Variants in MYO1D observed in about 807,000 individuals in gnomAD.
MYO1D encodes unconventional myosin-Id.
A neutral mutation model predicts 122.0 loss-of-function variants in MYO1D; 83 were observed. That is an observed-to-expected ratio of 0.68 (90% CI 0.57 to 0.82). The LOEUF (loss-of-function observed/expected upper bound fraction) is 0.82, where lower values mean the gene tolerates loss of function less well. MYO1D is among the 40% of genes least tolerant of loss of function. The probability of loss-of-function intolerance (pLI) is 0.00; values close to 1 mark genes in which losing one functional copy is unlikely to be tolerated. For synonymous variants in MYO1D, 464 were observed against 446.9 expected (o/e 1.04, Z -0.48); for missense variants, 1,157 against 1,269.5 (o/e 0.91, Z 1.35).
intron 13 of MYO1D, among the ~76,000 whole-genome samples, chr17:32,741,094 G>T (rs2089767088): frequency 6.6e-6 from 1 of 151,896 alleles, no homozygotes; most frequent in Admixed American, 6.6e-5. Flanking sequence ...TGGGTGTAGT[G>T]GTGCATGCCT....
At chr17:32,626,473 C>A (rs2087929464) in intron 20 of MYO1D, among the ~76,000 whole-genome samples, 1 of 152,112 alleles carries the variant, frequency 6.6e-6, no homozygotes, top group East Asian at 1.9e-4. Context: ...GTTAAATTGG[C>A]CCTAGTGGTT....
At position 32,646,473 on chromosome 17, in the gene MYO1D, G is replaced by A. The variant is rs946693768; in HGVS notation, c.2595+7370C>T. Among the ~76,000 whole-genome samples the A allele has an allele frequency of 3.3e-5, 5 of 151,660 alleles. 1 individual carries two copies. The highest frequency in any genetic ancestry group is 4.1e-4 in the South Asian group (2 of 4,820). On this transcript the variant is annotated intron_variant, in intron 19 of 21. Transcript: ENST00000318217. Reference sequence around the variant, plus strand: ...AAAATATATATATATATAAAAGAAAGGAAACAATAATAAGTAAAAGTCATG... The same window carrying A: ...AAAATATATATATATATAAAAGAAAAGAAACAATAATAAGTAAAAGTCATG...
At chr17:32,806,029 T>C (rs889449301) in intron 1 of MYO1D, among the ~76,000 whole-genome samples, 4 of 152,104 alleles carry the variant, frequency 2.6e-5, no homozygotes, top group Non-Finnish European at 5.9e-5. Flanking sequence ...GAGGCCAAGG[T>C]GGGCGGATCA....
chr17:32,503,352 T>G (rs1046985514), intron 21 of MYO1D, among the ~76,000 whole-genome samples: 1 of 152,198 alleles, frequency 6.6e-6, no homozygotes, highest in African/African-American at 2.4e-5. Flanking sequence ...TAGGAGACTG[T>G]CATTCGCCGA....
chr17:32,527,389 G>A (rs1389115669), intron 21 of MYO1D, among the ~76,000 whole-genome samples: 1 of 152,200 alleles, frequency 6.6e-6, no homozygotes, highest in East Asian at 1.9e-4. Context: ...GGCACTGCCA[G>A]GCCCTGTGGA....
At chr17:32,523,095 G>A (rs137869697) in intron 21 of MYO1D, among the ~76,000 whole-genome samples, 142 of 152,332 alleles carry the variant, frequency 9.3e-4, no homozygotes, top group East Asian at 7.3e-3. Context: ...GATTACAGGC[G>A]TGAGCAACCA....
chr17:32,862,607 G>A (rs934222247), intron 1 of MYO1D, among the ~76,000 whole-genome samples: 4 of 152,184 alleles, frequency 2.6e-5, no homozygotes, highest in African/African-American at 4.8e-5. Flanking sequence ...ATAATCTGAG[G>A]ACAGAAAAAT....
chr17:32,846,070 C>T (rs1352278279), intron 1 of MYO1D, among the ~76,000 whole-genome samples: 1 of 152,108 alleles, frequency 6.6e-6, no homozygotes, highest in Admixed American at 6.5e-5. Context: ...CTACTTAGCA[C>T]CTATTCCCTC....
chr17:32,822,074 CAT>C (rs1316480547), intron 1 of MYO1D, among the ~76,000 whole-genome samples: 1 of 152,158 alleles, frequency 6.6e-6, no homozygotes, highest in Non-Finnish European at 1.5e-5. Context: ...CACATGCACA[CAT>C]ATGTTTATTG....
intron 21 of MYO1D, among the ~76,000 whole-genome samples, chr17:32,545,560 T>A (rs1388756773): frequency 6.6e-6 from 1 of 152,214 alleles, no homozygotes; most frequent in Non-Finnish European, 1.5e-5. Flanking sequence ...ACCGCTGTCT[T>A]ACTTCTGTCC....
chr17:32,738,250 T>G lies in MYO1D; in HGVS notation c.1746+3A>C. On this transcript the variant is annotated splice_donor_region_variant and intron_variant, in intron 14 of 21. Transcript: ENST00000318217. ...ATGGATATTTAGAAAAGAAAATAAT[T>G]ACCTTTGATGCAAGGTTGTCTACTA... 6.3e-7 allele frequency: 1 copy of G among 1,584,606 alleles called. No homozygotes were observed. The highest frequency in any genetic ancestry group is 8.6e-7 in the Non-Finnish European group (1 of 1,167,036).
chr17:32,622,973 A>G (rs2087872390), intron 20 of MYO1D, among the ~76,000 whole-genome samples: 1 of 152,098 alleles, frequency 6.6e-6, no homozygotes, highest in Non-Finnish European at 1.5e-5. Flanking sequence ...TTTGTCCTTT[A>G]CCATTTATGG....
chr17:32,786,600 A>C (rs1421714083), intron 1 of MYO1D, among the ~76,000 whole-genome samples: 2 of 152,212 alleles, frequency 1.3e-5, no homozygotes, highest in East Asian at 3.8e-4. Flanking sequence ...TGAGTGGATC[A>C]CCTGAGGTCA....
intron 21 of MYO1D, among the ~76,000 whole-genome samples, chr17:32,541,626 T>C (rs1227527878): frequency 6.6e-6 from 1 of 152,206 alleles, no homozygotes; most frequent in Non-Finnish European, 1.5e-5. Context: ...AGAAAGTATC[T>C]AGAATCAGAG....
intron 1 of MYO1D, among the ~76,000 whole-genome samples, chr17:32,853,550 C>T (rs1279831755): frequency 6.6e-6 from 1 of 152,226 alleles, no homozygotes; most frequent in East Asian, 1.9e-4. Context: ...ATCCATATCT[C>T]CATCACAGCA....
intron 21 of MYO1D, among the ~76,000 whole-genome samples, chr17:32,588,610 T>C (rs769093158): frequency 2.0e-5 from 3 of 152,204 alleles, no homozygotes; most frequent in Non-Finnish European, 4.4e-5. Context: ...GAACTGGTAT[T>C]GGGCAAACTG....
chr17:32,673,244 C>T (rs2088750339), intron 16 of MYO1D, among the ~76,000 whole-genome samples: 1 of 151,332 alleles, frequency 6.6e-6, no homozygotes. Flanking sequence ...ATTGGGATTA[C>T]AAGCACGTGC....
Position 32,810,479 on chromosome 17 carries a change from C to CT in MYO1D, c.96-29696dup, listed in dbSNP as rs112741399. On this transcript the variant is annotated intron_variant, in intron 1 of 21. Coordinates refer to ENST00000318217, the MANE Select transcript of MYO1D (RefSeq NM_015194.3). ...GGGAACCATAAGGTTAAGTCCGTAA[C>CT]TTTTTTTTTTTTTTTTGAGACAGAG... 5.4e-3 allele frequency among the ~76,000 whole-genome samples: 760 copies of CT among 141,712 alleles called. 9 individuals are homozygous for CT. The highest frequency in any genetic ancestry group is 1.0e-2 in the African/African-American group (385 of 38,680). The allele number at this position is 141,712 out of a possible 152,430, so 93.0% of individuals were successfully genotyped here. A position where few individuals can be genotyped will look rare whatever the true frequency, so the allele number is the denominator to read the frequency against.
At chr17:32,580,291 T>A (rs1280654904) in intron 21 of MYO1D, among the ~76,000 whole-genome samples, 14 of 15,030 alleles carry the variant, frequency 9.3e-4, no homozygotes, top group African/African-American at 2.6e-3. Context: ...CTAAGAGGAT[T>A]TTTTTTTTTT....
Sources: allele counts gnomAD v4.1 joint callset (sites outside exome capture counted in the v4.1 genomes callset), GRCh38; gene constraint gnomAD v4.1.1; transcripts MANE v1.5; gene names NCBI Gene and HGNC (gene_info 2026-07-23, HGNC 2026-07-21).